ATRNL1: variants seen among roughly 807,000 people sequenced by gnomAD.
ATRNL1 encodes the protein attractin-like protein 1.
In ATRNL1, 95 loss-of-function variants were observed where a neutral mutation model predicts 182.7. The ratio of observed to expected loss-of-function variants is 0.52; its 90% CI spans 0.44 to 0.62. ATRNL1 has a LOEUF of 0.62. Ranked by LOEUF, ATRNL1 falls within the 20% of genes least tolerant of loss-of-function variation. The probability of loss-of-function intolerance (pLI) is 0.00; values close to 1 mark genes in which losing one functional copy is unlikely to be tolerated. For synonymous variants in ATRNL1, 576 were observed against 568.3 expected (o/e 1.01, Z -0.19); for missense variants, 1,471 against 1,679.5 (o/e 0.88, Z 2.17).
intron 24 of ATRNL1, among the ~76,000 whole-genome samples, chr10:115,513,422 T>C (rs1372856025): frequency 1.3e-5 from 2 of 152,030 alleles, no homozygotes; most frequent in African/African-American, 4.8e-5. Flanking sequence ...TTCCAACATA[T>C]TATATAATTT....
intron 13 of ATRNL1, among the ~76,000 whole-genome samples, chr10:115,278,856 T>G (rs1360165699): frequency 6.6e-6 from 1 of 152,070 alleles, no homozygotes; most frequent in Non-Finnish European, 1.5e-5. Context: ...TTTATTATTT[T>G]AACTATAGTG....
At chr10:115,527,616 T>C (rs1851290889) in intron 25 of ATRNL1, among the ~76,000 whole-genome samples, 1 of 152,194 alleles carries the variant, frequency 6.6e-6, no homozygotes, top group Admixed American at 6.5e-5. Context: ...GGTTTTTAAT[T>C]TTTTCCTGAC....
chr10:115,266,769 T>C, intron 11 of ATRNL1, 28 bp from the exon 12 acceptor site: 1 of 1,406,090 alleles, frequency 7.1e-7, no homozygotes, highest in Non-Finnish European at 9.8e-7. Flanking sequence ...ATAGCGTTTC[T>C]TTAAGATTCT....
chr10:115,292,318 ATCT>A, intron 15 of ATRNL1, among the ~76,000 whole-genome samples: 1 of 151,742 alleles, frequency 6.6e-6, no homozygotes, highest in South Asian at 2.1e-4. Context: ...TGTGTCATTG[ATCT>A]TCTGTATTAT....
intron 24 of ATRNL1, among the ~76,000 whole-genome samples, chr10:115,510,235 C>T (rs1850322116): frequency 6.6e-6 from 1 of 152,014 alleles, no homozygotes; most frequent in Non-Finnish European, 1.5e-5. Context: ...TGGAATATCA[C>T]ATAAACTTGA....
At chr10:115,871,162 C>T (rs1212773762) in intron 28 of ATRNL1, among the ~76,000 whole-genome samples, 1 of 151,824 alleles carries the variant, frequency 6.6e-6, no homozygotes, top group Non-Finnish European at 1.5e-5. Flanking sequence ...ACTTTTGGAT[C>T]TCTCAGACAT....
intron 1 of ATRNL1, among the ~76,000 whole-genome samples, chr10:115,109,039 C>A (rs1554867016): frequency 6.6e-6 from 1 of 152,132 alleles, no homozygotes; most frequent in East Asian, 1.9e-4. Context: ...TGCCAATATT[C>A]TGATCATAAG....
chr10:115,562,310 T>C (rs1463155348), intron 26 of ATRNL1, among the ~76,000 whole-genome samples: 1 of 152,180 alleles, frequency 6.6e-6, no homozygotes, highest in Non-Finnish European at 1.5e-5. Context: ...GGGTATTTGA[T>C]GGAATGTGGG....
intron 28 of ATRNL1, among the ~76,000 whole-genome samples, chr10:115,897,737 C>T (rs563250402): frequency 6.6e-6 from 1 of 152,178 alleles, no homozygotes; most frequent in African/African-American, 2.4e-5. Flanking sequence ...AATGCAGTCC[C>T]CGGATTTTTA....
At chr10:115,534,452 G>T (rs985517865) in intron 25 of ATRNL1, among the ~76,000 whole-genome samples, 2 of 152,182 alleles carry the variant, frequency 1.3e-5, no homozygotes, top group African/African-American at 4.8e-5. Flanking sequence ...TTTTCCATTT[G>T]CTTGGCAGAT....
intron 24 of ATRNL1, among the ~76,000 whole-genome samples, chr10:115,497,766 T>C (rs1165534767): frequency 2.0e-5 from 3 of 152,000 alleles, no homozygotes; most frequent in African/African-American, 4.8e-5. Flanking sequence ...CAAGCAATTC[T>C]CCTGCTTCAG....
intron 1 of ATRNL1, among the ~76,000 whole-genome samples, chr10:115,116,564 TGCTTTGCC>T (rs1488862797): frequency 6.6e-6 from 1 of 152,110 alleles, no homozygotes; most frequent in Admixed American, 6.6e-5. Flanking sequence ...GTAATGGGAA[TGCTTTGCC>T]CAAGTGGCAT....
intron 5 of ATRNL1, among the ~76,000 whole-genome samples, chr10:115,134,602 A>G (rs1485070558): frequency 6.6e-6 from 1 of 152,210 alleles, no homozygotes; most frequent in African/African-American, 2.4e-5. Flanking sequence ...ATTATACCAG[A>G]GGTACAAGGA....
At chr10:115,809,512 A>G (rs1949999047) in intron 27 of ATRNL1, among the ~76,000 whole-genome samples, 1 of 152,020 alleles carries the variant, frequency 6.6e-6, no homozygotes, top group South Asian at 2.1e-4. Flanking sequence ...ATGGATTTTT[A>G]GTGAAATATT....
intron 27 of ATRNL1, among the ~76,000 whole-genome samples, chr10:115,837,582 G>A (rs1280400343): frequency 4.0e-5 from 6 of 149,570 alleles, no homozygotes; most frequent in Non-Finnish European, 7.4e-5. Context: ...ATATTTTTCT[G>A]TTTGCTGTAT....
At chr10:115,115,642 G>A (rs1844449785) in intron 1 of ATRNL1, among the ~76,000 whole-genome samples, 2 of 152,106 alleles carry the variant, frequency 1.3e-5, no homozygotes, top group South Asian at 2.1e-4. Context: ...GGCTTACAAA[G>A]GCCACCCTGC....
intron 8 of ATRNL1, among the ~76,000 whole-genome samples, chr10:115,201,182 C>T (rs1471132898): frequency 4.7e-5 from 7 of 149,838 alleles, no homozygotes; most frequent in Non-Finnish European, 8.9e-5. Flanking sequence ...TTATAGGTTG[C>T]CTGTTCACTC....
intron 27 of ATRNL1, among the ~76,000 whole-genome samples, chr10:115,828,935 T>C (rs1433652914): frequency 6.6e-6 from 1 of 152,172 alleles, no homozygotes; most frequent in Non-Finnish European, 1.5e-5. Context: ...CCCAATGTCA[T>C]TAGAAACCTC....
At chr10:115,537,205 T>C (rs1852083430) in intron 25 of ATRNL1, among the ~76,000 whole-genome samples, 1 of 152,230 alleles carries the variant, frequency 6.6e-6, no homozygotes, top group Admixed American at 6.5e-5. Flanking sequence ...TCTTGCAACT[T>C]AGTTAAACCA....
Sources: gnomAD v4.1 joint callset for allele counts (sites outside exome capture counted in the v4.1 genomes callset) on GRCh38, gnomAD v4.1.1 for gene constraint, MANE v1.5 for transcripts, NCBI Gene and HGNC (gene_info 2026-07-23, HGNC 2026-07-21) for gene names.